The following KCNB2 variants were observed in gnomAD, a reference collection of about 807,000 sequenced individuals.
KCNB2 encodes the protein delayed rectifier potassium channel protein.
Under a neutral mutation model 61.5 loss-of-function variants are expected in KCNB2, and 15 were observed. The ratio of observed to expected loss-of-function variants is 0.24; its 90% CI spans 0.16 to 0.38. The LOEUF (loss-of-function observed/expected upper bound fraction) is 0.38. Ranked by LOEUF, KCNB2 falls within the 10% of genes least tolerant of loss-of-function variation. KCNB2 has a pLI of 1.00. For synonymous variants in KCNB2, 457 were observed against 446.0 expected, an observed-to-expected ratio of 1.02 and a Z score of -0.31; for missense variants, 828 against 1,125.2, an observed-to-expected ratio of 0.74 and a Z score of 3.78.
At chr8:72,554,451 A>G (rs1806392497) in intron 1 of KCNB2, among the ~76,000 whole-genome samples, 1 of 152,096 alleles carries the variant, frequency 6.6e-6, no homozygotes, top group Non-Finnish European at 1.5e-5. Context: ...ACTCACCAGT[A>G]TTTATAGGTT....
chr8:72,729,240 CTT>C (rs976469809), intron 2 of KCNB2, among the ~76,000 whole-genome samples: 2 of 152,184 alleles, frequency 1.3e-5, no homozygotes, highest in Admixed American at 6.5e-5. Context: ...TGTCCATTGA[CTT>C]TGCATATTGT....
At position 72,889,429 on chromosome 8, in the gene KCNB2, T is replaced by A. The variant is rs1336887280; in HGVS notation, c.580-46506T>A. Among the ~76,000 whole-genome samples, 3 of 152,170 alleles carry A rather than the reference T, an allele frequency of 2.0e-5. No homozygotes were observed. In the East Asian group the frequency reaches 5.8e-4, roughly 29 times the overall value. On this transcript the variant is annotated intron_variant, in intron 2 of 2. Transcript: ENST00000523207. Reference sequence around the variant, plus strand: ...ACAGCCACATGCGGTAGCTCATACCTGTAATGCCAGCACTTTGGGAGGCTT... The same window carrying A: ...ACAGCCACATGCGGTAGCTCATACCAGTAATGCCAGCACTTTGGGAGGCTT...
intron 2 of KCNB2, among the ~76,000 whole-genome samples, chr8:72,896,034 C>G (rs932917767): frequency 6.6e-6 from 1 of 151,624 alleles, no homozygotes; most frequent in Non-Finnish European, 1.5e-5. Context: ...TTCAAGTTTC[C>G]AAAATAAGTT....
intron 2 of KCNB2, among the ~76,000 whole-genome samples, chr8:72,708,630 G>T (rs1807274176): frequency 6.6e-6 from 1 of 152,172 alleles, no homozygotes; most frequent in South Asian, 2.1e-4. Flanking sequence ...TGGAAAGAGT[G>T]ATTACTTTTC....
chr8:72,734,346 A>G (rs1807801546), intron 2 of KCNB2, among the ~76,000 whole-genome samples: 1 of 152,200 alleles, frequency 6.6e-6, no homozygotes, highest in Non-Finnish European at 1.5e-5. Context: ...ATTTCAAAAT[A>G]TGTCCCCATT....
intron 2 of KCNB2, among the ~76,000 whole-genome samples, chr8:72,683,482 G>T (rs928115950): frequency 6.6e-6 from 1 of 152,198 alleles, no homozygotes; most frequent in African/African-American, 2.4e-5. Context: ...GGAATGCCAC[G>T]AATTAGGCTA....
intron 2 of KCNB2, among the ~76,000 whole-genome samples, chr8:72,771,675 A>G (rs1195681222): frequency 6.6e-6 from 1 of 152,126 alleles, no homozygotes; most frequent in Non-Finnish European, 1.5e-5. Flanking sequence ...GCAGAGACCA[A>G]GGAAACCTCT....
At chr8:72,658,903 T>C (rs1245632976) in intron 2 of KCNB2, among the ~76,000 whole-genome samples, 1 of 152,174 alleles carries the variant, frequency 6.6e-6, no homozygotes, top group East Asian at 1.9e-4. Flanking sequence ...AAAGATTCCT[T>C]TCAAAATATT....
chr8:72,905,157 G>A (rs755338970), intron 2 of KCNB2, among the ~76,000 whole-genome samples: 1 of 152,150 alleles, frequency 6.6e-6, no homozygotes, highest in African/African-American at 2.4e-5. Flanking sequence ...AAATCTCTTA[G>A]AAGCTAAGCT....
intron 2 of KCNB2, among the ~76,000 whole-genome samples, chr8:72,894,343 G>T (rs960350796): frequency 1.3e-5 from 2 of 152,152 alleles, no homozygotes; most frequent in Non-Finnish European, 2.9e-5. Flanking sequence ...GAGGGTGGAG[G>T]CACAAGGCCA....
intron 2 of KCNB2, among the ~76,000 whole-genome samples, chr8:72,673,051 C>A (rs555876697): frequency 3.0e-4 from 46 of 152,122 alleles, no homozygotes; most frequent in Non-Finnish European, 6.5e-4. Flanking sequence ...TGGGTATATA[C>A]CCAAAAGAAT....
intron 2 of KCNB2, among the ~76,000 whole-genome samples, chr8:72,733,251 T>C (rs1484053701): frequency 6.6e-6 from 1 of 152,184 alleles, no homozygotes; most frequent in Non-Finnish European, 1.5e-5. Flanking sequence ...GATATCCCTT[T>C]ATTTACTTTT....
intron 2 of KCNB2, among the ~76,000 whole-genome samples, chr8:72,623,206 G>A (rs1805737675): frequency 6.6e-6 from 1 of 152,184 alleles, no homozygotes; most frequent in African/African-American, 2.4e-5. Context: ...TTGGGTGAAA[G>A]TTATCCCCAA....
At chr8:72,557,010 G>T (rs1253184786) in intron 1 of KCNB2, among the ~76,000 whole-genome samples, 2 of 152,060 alleles carry the variant, frequency 1.3e-5, no homozygotes, top group Non-Finnish European at 2.9e-5. Context: ...GCTGTCTGGG[G>T]CCTGTTCTAT....
chr8:72,889,401 T>A (rs187856091), intron 2 of KCNB2, among the ~76,000 whole-genome samples: 2,646 of 152,026 alleles, frequency 0.017, 65 homozygotes, highest in African/African-American at 0.056. Context: ...ACAAAACATA[T>A]CAACAGCCAC....
At position 72,712,544 on chromosome 8, in the gene KCNB2, T is replaced by C. The variant is rs114433000; in HGVS notation, c.579+144231T>C. 5.4e-3 allele frequency among the ~76,000 whole-genome samples: 827 copies of C among 152,366 alleles called. 8 individuals are homozygous for C. Among genetic ancestry groups the C allele is most frequent in the African/African-American group, 0.018 (768 of 41,590 alleles). ...GGAGCTATCACTGACTGGATGCTTA[T>C]TAAATGCCACAGTCAGTGGTCCAAG... On this transcript the variant is annotated intron_variant, in intron 2 of 2. Transcript: ENST00000523207.
chr8:72,575,327 T>C (rs1007637102), intron 2 of KCNB2, among the ~76,000 whole-genome samples: 1 of 146,176 alleles, frequency 6.8e-6, no homozygotes, highest in Non-Finnish European at 1.5e-5. Flanking sequence ...ATATTAATAC[T>C]CATACTATTG....
chr8:72,813,862 T>C (rs1445396726), intron 2 of KCNB2, among the ~76,000 whole-genome samples: 1 of 152,170 alleles, frequency 6.6e-6, no homozygotes, highest in African/African-American at 2.4e-5. Flanking sequence ...TTTTTCTTCT[T>C]CTTTTTTATT....
At chr8:72,873,703 C>T (rs1026509270) in intron 2 of KCNB2, among the ~76,000 whole-genome samples, 1 of 152,200 alleles carries the variant, frequency 6.6e-6, no homozygotes, top group Non-Finnish European at 1.5e-5. Context: ...GCACTGGGGA[C>T]AAAGAGAATG....
Sources: gnomAD v4.1 joint callset for allele counts (sites outside exome capture counted in the v4.1 genomes callset) on GRCh38, gnomAD v4.1.1 for gene constraint, MANE v1.5 for transcripts, NCBI Gene and HGNC (gene_info 2026-07-23, HGNC 2026-07-21) for gene names.